Variants in KCNG3 observed in about 807,000 individuals in gnomAD.
KCNG3 encodes voltage-gated potassium channel regulatory subunit KCNG3.
Under a neutral mutation model 29.0 loss-of-function variants are expected in KCNG3, and 15 were observed. The ratio of observed to expected loss-of-function variants is 0.52; its 90% CI spans 0.35 to 0.80. The LOEUF (loss-of-function observed/expected upper bound fraction) is 0.80. Ranked by LOEUF, KCNG3 falls within the 30% of genes least tolerant of loss-of-function variation. The probability of loss-of-function intolerance (pLI) is 0.01; values close to 1 mark genes in which losing one functional copy is unlikely to be tolerated. For synonymous variants in KCNG3, 322 were observed against 248.9 expected (o/e 1.29, Z -2.76); for missense variants, 512 against 605.7 (o/e 0.85, Z 1.62).
the KCNG3 span, among the ~76,000 whole-genome samples, chr2:42,403,773 T>G: frequency 6.6e-6 from 1 of 151,724 alleles, no homozygotes; most frequent in East Asian, 1.9e-4. Flanking sequence ...CCTAATTTTT[T>G]AGTTTTTTGT....
chr2:42,444,665 AC>A lies in KCNG3; in HGVS notation c.666-87del. 1.7e-6 allele frequency: 2 copies of A among 1,194,274 alleles called. No individual in the cohort carries two copies. Among genetic ancestry groups the A allele is most frequent in the Non-Finnish European group, 2.4e-6 (2 of 846,336 alleles). 74.0% of individuals were successfully genotyped at this position (1,194,274 alleles called of 1,614,324 possible). On this transcript the variant is annotated intron_variant, in intron 1 of 1. Transcript: ENST00000306078. The surrounding 1 kb of genome is among the most constrained non-coding windows in gnomAD (Gnocchi z 5.8). Reference sequence around the variant, plus strand: ...GATTTCTTCAGATAGTACTACACTGACATACTAATTCAGTTACTTTTCCAGA... The same window carrying A: ...GATTTCTTCAGATAGTACTACACTGAATACTAATTCAGTTACTTTTCCAGA...
At chr2:42,411,656 T>C in the KCNG3 span, among the ~76,000 whole-genome samples, 1 of 152,150 alleles carries the variant, frequency 6.6e-6, no homozygotes, top group Non-Finnish European at 1.5e-5. Flanking sequence ...CTAATTTTTG[T>C]ATATTTAGTA....
At chr2:42,423,447 C>T in the KCNG3 span, among the ~76,000 whole-genome samples, 1 of 152,146 alleles carries the variant, frequency 6.6e-6, no homozygotes, top group African/African-American at 2.4e-5. Flanking sequence ...TGACCTCTGC[C>T]CACCCAACAG....
At chr2:42,487,707 T>C (rs1273592618) in intron 1 of KCNG3, among the ~76,000 whole-genome samples, 1 of 152,220 alleles carries the variant, frequency 6.6e-6, no homozygotes, top group African/African-American at 2.4e-5. Context: ...AGTTTGGAAT[T>C]ATCTGTGAAA....
rs1297915752 is a variant in KCNG3, at chr2:42,444,627, T to G, written c.666-48A>C. 1 of 1,501,040 alleles carries G rather than the reference T, an allele frequency of 6.7e-7. No homozygotes were observed. The allele number at this position is 1,501,040 out of a possible 1,614,324, so 93.0% of individuals were successfully genotyped here. A position where few individuals can be genotyped will look rare whatever the true frequency, so the allele number is the denominator to read the frequency against. On this transcript the variant is annotated intron_variant, in intron 1 of 1. Coordinates refer to ENST00000306078, the MANE Select transcript of KCNG3 (RefSeq NM_133329.6). This position sits in a 1 kb window ranked among gnomAD's most constrained non-coding sequence, Gnocchi z 5.8. ...ATTGATCATTTTATTTTTAAGCATT[T>G]TAATAGCTCTTAGATTTCTTCAGAT...
chr2:42,489,397 A>G (rs1673816504), intron 1 of KCNG3, among the ~76,000 whole-genome samples: 1 of 152,126 alleles, frequency 6.6e-6, no homozygotes, highest in Non-Finnish European at 1.5e-5. Flanking sequence ...TCAATCAATC[A>G]ACAAAAATAC....
intron 1 of KCNG3, among the ~76,000 whole-genome samples, chr2:42,464,893 G>A (rs1165102213): frequency 2.0e-5 from 3 of 152,086 alleles, no homozygotes; most frequent in African/African-American, 4.8e-5. Flanking sequence ...AAGCAAGTAG[G>A]GCTGTGTGTC....
At chr2:42,406,007 T>C in the KCNG3 span, among the ~76,000 whole-genome samples, 1 of 151,920 alleles carries the variant, frequency 6.6e-6, no homozygotes, top group African/African-American at 2.4e-5. Flanking sequence ...CCTCCCAAAG[T>C]GCTGGGATTA....
chr2:42,438,927 G>A (rs987009809), downstream of KCNG3, among the ~76,000 whole-genome samples: 6 of 152,142 alleles, frequency 3.9e-5, no homozygotes, highest in Non-Finnish European at 7.3e-5. Flanking sequence ...AAAGAACACT[G>A]AACAGACACA....
At chr2:42,463,103 T>G (rs1339649878) in intron 1 of KCNG3, 3 of 227,252 alleles carry the variant, frequency 1.3e-5, no homozygotes, top group Admixed American at 1.3e-4. Flanking sequence ...CACTGCAAAA[T>G]AGTTTAAAAT....
chr2:42,417,932 A>G, the KCNG3 span, among the ~76,000 whole-genome samples: 15 of 152,180 alleles, frequency 9.9e-5, no homozygotes, highest in African/African-American at 2.6e-4. Context: ...AGATCGCGCC[A>G]CTGCACTCCA....
the KCNG3 span, among the ~76,000 whole-genome samples, chr2:42,421,501 T>TA: frequency 2.9e-5 from 4 of 137,432 alleles, 1 homozygote; most frequent in South Asian, 6.4e-4. Flanking sequence ...TTCTTCTTTT[T>TA]TATTATCTAT....
intron 1 of KCNG3, among the ~76,000 whole-genome samples, chr2:42,467,513 CA>C (rs1673170458): frequency 6.6e-6 from 1 of 150,792 alleles, no homozygotes; most frequent in South Asian, 2.1e-4. Flanking sequence ...ACTAAAAATA[CA>C]AAAATGAGCC....
Position 42,492,857 on chromosome 2 carries a change from G to T in KCNG3, c.645C>A (p.Gly215=). 1 of 1,509,334 alleles carries T rather than the reference G, an allele frequency of 6.6e-7. No individual in the cohort carries two copies. The highest frequency in any genetic ancestry group is 8.8e-7 in the Non-Finnish European group (1 of 1,133,306). 93.5% of individuals were successfully genotyped at this position (1,509,334 alleles called of 1,614,324 possible). The change falls in exon 1 of 2, where the codon GGC becomes GGA. Residue 215 remains glycine, a synonymous_variant. Coordinates refer to ENST00000306078, the MANE Select transcript of KCNG3 (RefSeq NM_133329.6). ...CCTACCCGGAGGGCTCCCTCCCAGG[G>T]CCGGCGGAGTACCTGCTCCGGTCAT... The part of the protein sequence containing the change: ...SLDDRSRYSA[G]PGREPSGIIE...
intron 1 of KCNG3, among the ~76,000 whole-genome samples, chr2:42,455,428 A>T (rs1414004200): frequency 6.6e-6 from 1 of 152,238 alleles, no homozygotes; most frequent in African/African-American, 2.4e-5. Context: ...AACCTGATTA[A>T]AATTTAATAT....
At chr2:42,396,595 G>A in the KCNG3 span, among the ~76,000 whole-genome samples, 1 of 152,116 alleles carries the variant, frequency 6.6e-6, no homozygotes, top group Non-Finnish European at 1.5e-5. Context: ...AGTCCACAAG[G>A]GCCAGTGAGA....
chr2:42,489,248 G>C (rs1191777730), intron 1 of KCNG3, among the ~76,000 whole-genome samples: 2 of 152,004 alleles, frequency 1.3e-5, no homozygotes, highest in Admixed American at 1.3e-4. Context: ...TAATTCACTG[G>C]GCGTGGTAGC....
At chr2:42,437,035 A>C (rs1347081170), downstream of KCNG3, among the ~76,000 whole-genome samples, 3 of 152,208 alleles carry the variant, frequency 2.0e-5, no homozygotes, top group African/African-American at 7.2e-5. Context: ...CCATTAGGTA[A>C]AATATGAAGA....
chr2:42,451,238 G>C (rs1351224319), intron 1 of KCNG3, among the ~76,000 whole-genome samples: 2 of 145,844 alleles, frequency 1.4e-5, no homozygotes, highest in Non-Finnish European at 3.0e-5. Flanking sequence ...AAGATTAAAT[G>C]GTATATGTCA....
Sources: gnomAD v4.1 joint callset for allele counts (sites outside exome capture counted in the v4.1 genomes callset) on GRCh38, gnomAD v4.1.1 for gene constraint, Gnocchi (gnomAD v3.1) non-coding constraint, MANE v1.5 for transcripts, NCBI Gene and HGNC (gene_info 2026-07-23, HGNC 2026-07-21) for gene names.